Variants in CACNA1D observed in about 807,000 individuals in gnomAD.
CACNA1D encodes the protein voltage-dependent L-type calcium channel subunit alpha-1D.
Under a neutral mutation model 257.1 loss-of-function variants are expected in CACNA1D, and 55 were observed. The ratio of observed to expected loss-of-function variants is 0.21; its 90% confidence interval spans 0.17 to 0.27. The LOEUF is 0.27. CACNA1D is among the 10% of genes least tolerant of loss of function. The pLI is 1.00. For synonymous variants in CACNA1D, 980 were observed against 1,014.9 expected, an observed-to-expected ratio of 0.97 and a Z score of 0.65; for missense variants, 1,876 against 2,784.0, an observed-to-expected ratio of 0.67 and a Z score of 7.34.
Position 53,553,529 on chromosome 3 carries a change from A to ATGGGTATGTGTG in CACNA1D, c.483+51812_483+51823dup, listed in dbSNP as rs1303282089. ...TCTTTTTAAAATGTAATGTGTGTGT[A>ATGGGTATGTGTG]TGGGTATGTGTGTGTGTATGACTTC... On this transcript the variant is annotated intron_variant, in intron 3 of 47. Coordinates refer to ENST00000350061, the MANE Select transcript of CACNA1D (RefSeq NM_001128840.3). Among the ~76,000 whole-genome samples the ATGGGTATGTGTG allele has an allele frequency of 7.2e-5, 11 of 152,278 alleles. No homozygotes were observed. In the South Asian group the frequency reaches 2.3e-3, roughly 32 times the overall value.
At chr3:53,506,502 T>C (rs1036265907) in intron 3 of CACNA1D, among the ~76,000 whole-genome samples, 5 of 152,184 alleles carry the variant, frequency 3.3e-5, no homozygotes, top group African/African-American at 1.2e-4. Flanking sequence ...CTGATTTGGG[T>C]GTATAGCCTT....
chr3:53,752,091 C>A (rs1171849619), intron 28 of CACNA1D, among the ~76,000 whole-genome samples, 184 bp downstream of exon 28: 1 of 152,110 alleles, frequency 6.6e-6, no homozygotes, highest in African/African-American at 2.4e-5. Flanking sequence ...TAAGATAGTT[C>A]TTTTGTTGAA....
intron 3 of CACNA1D, among the ~76,000 whole-genome samples, chr3:53,502,566 A>C (rs940063593): frequency 6.6e-6 from 1 of 151,972 alleles, no homozygotes; most frequent in Non-Finnish European, 1.5e-5. Flanking sequence ...TTTAAAAAAA[A>C]AGCACTAAAG....
intron 3 of CACNA1D, among the ~76,000 whole-genome samples, chr3:53,543,814 G>A (rs2092355386): frequency 6.6e-6 from 1 of 152,174 alleles, no homozygotes; most frequent in Non-Finnish European, 1.5e-5. Context: ...ACCCAGATCA[G>A]CCTAACAGAT....
chr3:53,566,812 A>G (rs943432794), intron 3 of CACNA1D, among the ~76,000 whole-genome samples: 2 of 152,126 alleles, frequency 1.3e-5, no homozygotes, highest in African/African-American at 4.8e-5. Flanking sequence ...CAGCTCTTCC[A>G]TGAGTATTCT....
At chr3:53,810,422 C>T (rs897753984) in intron 47 of CACNA1D, 124 bp downstream of exon 47, 80 of 887,778 alleles carry the variant, frequency 9.0e-5, no homozygotes, top group Non-Finnish European at 1.2e-4. Context: ...CTCAATCAGA[C>T]ACTTCTGAGC....
At chr3:53,668,362 A>C (rs2108380435) in intron 7 of CACNA1D, among the ~76,000 whole-genome samples, 1 of 152,344 alleles carries the variant, frequency 6.6e-6, no homozygotes, top group Admixed American at 6.5e-5. Context: ...TCAGGCTCCT[A>C]GAAGCAAAAG....
intron 8 of CACNA1D, among the ~76,000 whole-genome samples, chr3:53,693,226 C>G (rs183549536): frequency 1.3e-3 from 193 of 152,264 alleles, no homozygotes; most frequent in South Asian, 4.1e-3. Flanking sequence ...TGTCTTCCCC[C>G]CACAGACATT....
At chr3:53,767,759 GCCAT>G (rs1372572083) in intron 30 of CACNA1D, among the ~76,000 whole-genome samples, 1 of 152,114 alleles carries the variant, frequency 6.6e-6, no homozygotes, top group Non-Finnish European at 1.5e-5. Flanking sequence ...TTTGGGAAAA[GCCAT>G]CCTCAGGGTT....
intron 3 of CACNA1D, among the ~76,000 whole-genome samples, chr3:53,555,702 A>G (rs942326457): frequency 1.3e-5 from 2 of 151,986 alleles, no homozygotes; most frequent in African/African-American, 2.4e-5. Context: ...GGAAGGAAGA[A>G]TCTTTAAACC....
At chr3:53,783,975 C>G (rs1286079229) in intron 39 of CACNA1D, among the ~76,000 whole-genome samples, 1 of 152,208 alleles carries the variant, frequency 6.6e-6, no homozygotes, top group Non-Finnish European at 1.5e-5. Context: ...CAGGAAGCCC[C>G]TTTTAGCCCT....
chr3:53,639,922 T>G (rs1264710153), intron 3 of CACNA1D, among the ~76,000 whole-genome samples: 1 of 146,556 alleles, frequency 6.8e-6, no homozygotes. Flanking sequence ...AGTGCAGCAG[T>G]GCTATCTCGG....
chr3:53,687,209 A>G (rs569765191), intron 8 of CACNA1D, among the ~76,000 whole-genome samples: 3 of 152,072 alleles, frequency 2.0e-5, no homozygotes, highest in Non-Finnish European at 4.4e-5. Flanking sequence ...ATTTTTCTCT[A>G]TGCATTGAAT....
At chr3:53,649,047 A>G (rs1454732291) in intron 3 of CACNA1D, among the ~76,000 whole-genome samples, 2 of 152,200 alleles carry the variant, frequency 1.3e-5, no homozygotes, top group African/African-American at 4.8e-5. Context: ...ATGGTGGTCA[A>G]GAGGGAGGAT....
At chr3:53,640,505 A>C (rs1031550787) in intron 3 of CACNA1D, among the ~76,000 whole-genome samples, 4 of 152,162 alleles carry the variant, frequency 2.6e-5, no homozygotes, top group African/African-American at 9.7e-5. Flanking sequence ...AGTGAGGTGA[A>C]GTACCCAGCT....
chr3:53,741,119 G>A (rs1427570627), intron 21 of CACNA1D, among the ~76,000 whole-genome samples: 1 of 152,134 alleles, frequency 6.6e-6, no homozygotes, highest in Non-Finnish European at 1.5e-5. Context: ...TCTGCCCCAT[G>A]GGGAGCCCAT....
intron 3 of CACNA1D, among the ~76,000 whole-genome samples, chr3:53,574,504 C>T (rs1304870771): frequency 6.6e-6 from 1 of 152,198 alleles, no homozygotes; most frequent in Admixed American, 6.5e-5. Flanking sequence ...AAACCATTGA[C>T]TATGAAATTC....
At chr3:53,699,187 T>A (rs2108570860) in intron 8 of CACNA1D, among the ~76,000 whole-genome samples, 1 of 152,316 alleles carries the variant, frequency 6.6e-6, no homozygotes, top group South Asian at 2.1e-4. Context: ...TGCCAGCTCA[T>A]TGCGATCACT....
chr3:53,758,347 T>A (rs2095279308), intron 29 of CACNA1D, among the ~76,000 whole-genome samples: 3 of 152,198 alleles, frequency 2.0e-5, no homozygotes, highest in South Asian at 4.1e-4. Context: ...GCACATTATT[T>A]ATATAGGCTT....
Sources: gnomAD v4.1 joint callset for allele counts (sites outside exome capture counted in the v4.1 genomes callset) on GRCh38, gnomAD v4.1.1 for gene constraint, MANE v1.5 for transcripts, NCBI Gene and HGNC (gene_info 2026-07-23, HGNC 2026-07-21) for gene names.